Variants in MGAM observed in about 807,000 individuals in gnomAD.
MGAM encodes alpha-1,4-glucosidase.
Under a neutral mutation model 358.8 loss-of-function variants are expected in MGAM, and 253 were observed. The ratio of observed to expected loss-of-function variants is 0.71; its 90% CI spans 0.64 to 0.78. The LOEUF is 0.78. Ranked by LOEUF, MGAM falls within the 30% of genes least tolerant of loss-of-function variation. MGAM has a pLI of 0.00. For missense variants in MGAM, 3,080 were observed against 3,432.6 expected, an observed-to-expected ratio of 0.90 and a Z score of 2.57; for synonymous variants, 1,105 against 1,227.1, an observed-to-expected ratio of 0.90 and a Z score of 2.08.
chr7:142,010,778 G>C lies in MGAM; in HGVS notation c.327+2073G>C, dbSNP rs199517731. On this transcript the variant is annotated intron_variant, in intron 3 of 70. Coordinates refer to ENST00000475668, the MANE Select transcript of MGAM (RefSeq NM_001365693.1). ...TTCTATCATCTAAGACCCTACCTCT[G>C]TGCCTCTATAGGTTCACTTAGGCTA... Among the ~76,000 whole-genome samples, 13 of 152,104 alleles carry C rather than the reference G, an allele frequency of 8.5e-5. No individual in the cohort carries two copies. The East Asian group carries it at 2.5e-3, about 29-fold the overall frequency.
chr7:142,045,717 A>AT lies in MGAM; in HGVS notation c.2499-2068_2499-2067insT, dbSNP rs1479574891. 6.1e-5 allele frequency among the ~76,000 whole-genome samples: 5 copies of AT among 81,838 alleles called. 1 individual carries two copies. In the East Asian group the frequency reaches 1.2e-3, roughly 20 times the overall value. The allele number at this position is 81,838 out of a possible 152,430, so 53.7% of individuals were successfully genotyped here. A position where few individuals can be genotyped will look rare whatever the true frequency, so the allele number is the denominator to read the frequency against. On this transcript the variant is annotated intron_variant, in intron 21 of 70. Coordinates refer to ENST00000475668, the MANE Select transcript of MGAM (RefSeq NM_001365693.1). ...TACAATATATGAATATATAATATAT[A>AT]ATATATACATACAATGTATGAATAT...
At position 142,087,031 on chromosome 7, in the gene MGAM, C is replaced by T. The variant is rs545351381; in HGVS notation, c.6810+314C>T. Among the ~76,000 whole-genome samples the T allele has an allele frequency of 3.4e-4, 36 of 104,714 alleles. 2 individuals carry two copies. Among genetic ancestry groups the T allele is most frequent in the African/African-American group, 1.2e-3 (34 of 27,836 alleles). 68.7% of individuals were successfully genotyped at this position (104,714 alleles called of 152,430 possible). On this transcript the variant is annotated intron_variant, in intron 57 of 70. Coordinates refer to ENST00000475668, the MANE Select transcript of MGAM (RefSeq NM_001365693.1). ...TCAGATTACAAAGGCCCAAGAAATTCCCACTGGGCGATACCTCCTAGCAGT... is the reference window on the plus strand; with the variant it reads ...TCAGATTACAAAGGCCCAAGAAATTTCCACTGGGCGATACCTCCTAGCAGT...
At position 142,071,185 on chromosome 7, in the gene MGAM, C is replaced by G; in HGVS notation, c.5186+67C>G. 5 of 1,468,660 alleles carry G rather than the reference C, an allele frequency of 3.4e-6. 1 individual carries two copies. The highest frequency in any genetic ancestry group is 4.6e-6 in the Non-Finnish European group (5 of 1,075,892). The allele number at this position is 1,468,660 out of a possible 1,614,324, so 91.0% of individuals were successfully genotyped here. On this transcript the variant is annotated intron_variant, in intron 44 of 70. Transcript: ENST00000475668. ...CTCAACAATTTGTGATGAAGTCTAC[C>G]AAAATGTAAGCATCACTTTCAAACC...
intron 26 of MGAM, 90 bp downstream of exon 26, chr7:142,053,074 T>C (rs1811172212): frequency 7.3e-7 from 1 of 1,370,118 alleles, no homozygotes; most frequent in Non-Finnish European, 1.0e-6. Flanking sequence ...CTAAAATAAG[T>C]TAATCATGCT....
At chr7:142,037,238 T>C (rs1245127054) in intron 18 of MGAM, among the ~76,000 whole-genome samples, 1 of 152,226 alleles carries the variant, frequency 6.6e-6, no homozygotes, top group Non-Finnish European at 1.5e-5. Context: ...ACAGGTCTTT[T>C]CTTTGTTCTG....
chr7:142,001,174 C>T (rs528899558), intron 1 of MGAM, among the ~76,000 whole-genome samples: 1 of 152,316 alleles, frequency 6.6e-6, no homozygotes, highest in East Asian at 1.9e-4. Context: ...TGGTGACAGT[C>T]ATGGTAAGAA....
chr7:142,099,772 C>A (rs781671074), intron 67 of MGAM, 35 bp downstream of exon 67: 2 of 1,608,118 alleles, frequency 1.2e-6, no homozygotes, highest in Non-Finnish European at 1.7e-6. Flanking sequence ...CTTTACATGT[C>A]AGTTAGCTCA....
At chr7:142,059,370 A>T in intron 31 of MGAM, 102 bp from the exon 32 acceptor site, 1 of 1,509,786 alleles carries the variant, frequency 6.6e-7, no homozygotes. Context: ...TGCATCAACA[A>T]GAAGCTGTCT....
At chr7:142,091,856 C>T in intron 57 of MGAM, 57 bp from the exon 58 acceptor site, 1 of 1,371,314 alleles carries the variant, frequency 7.3e-7, no homozygotes, top group Non-Finnish European at 1.0e-6. Context: ...CAGTAAGTGC[C>T]TGTTTGCTGT....
intron 22 of MGAM, 139 bp from the exon 23 acceptor site, chr7:142,050,096 A>T: frequency 1.3e-6 from 1 of 746,438 alleles, no homozygotes; most frequent in Non-Finnish European, 2.3e-6. Flanking sequence ...CACATATACA[A>T]TTGAAAATTA....
In MGAM at chr7:142,091,812, C is replaced by T. The variant is rs531615345; in HGVS notation, c.6811-101C>T. On this transcript the variant is annotated intron_variant, in intron 57 of 70. Transcript: ENST00000475668. ...AGGCCCTGTTCAGGCCGTCTGTCAC[C>T]ATGCAGTTGAAGTATTTGTGCGAGT... 8.1e-6 allele frequency: 10 copies of T among 1,234,218 alleles called. 2 individuals carry two copies. In the Admixed American group the frequency reaches 1.7e-4, roughly 21 times the overall value. The allele number at this position is 1,234,218 out of a possible 1,614,324, so 76.5% of individuals were successfully genotyped here. A position where few individuals can be genotyped will look rare whatever the true frequency, so the allele number is the denominator to read the frequency against.
intron 15 of MGAM, 52 bp from the exon 16 acceptor site, chr7:142,034,618 C>A: frequency 6.5e-7 from 1 of 1,534,626 alleles, no homozygotes; most frequent in Non-Finnish European, 8.9e-7. Flanking sequence ...ATCCCCTTGG[C>A]TGAGACAAGC....
In MGAM at chr7:142,080,804, A is replaced by G; in HGVS notation, c.5861A>G (p.Asn1954Ser). The G allele has an allele frequency of 6.4e-7, 1 of 1,555,050 alleles. No individual in the cohort carries two copies. Among genetic ancestry groups the G allele is most frequent in the Non-Finnish European group, 8.8e-7 (1 of 1,131,778 alleles). ...CCTCTGGCCTAGATTTATGATCCCA[A>G]CAACAATCGGTATGAAGTTCCAGTC... The part of the protein sequence containing the change: ...EMLQFKIYDP[N>S]NNRYEVPVPL... Residue 1954 changes from asparagine to serine, a missense_variant, in exon 50 of 71, where the codon AAC (asparagine) becomes AGC (serine). This residue lies in a region of MGAM where 932 missense variants were observed against 1,198.2 expected (regional missense o/e 0.78). Coordinates refer to ENST00000475668, the MANE Select transcript of MGAM (RefSeq NM_001365693.1).
chr7:142,050,601 G>A (rs764634541), intron 23 of MGAM, 96 bp from the exon 24 acceptor site: 8 of 1,262,454 alleles, frequency 6.3e-6, no homozygotes, highest in Non-Finnish European at 7.9e-6. Context: ...TTATGGCAGT[G>A]GGGGGTATCC....
chr7:142,005,882 T>A lies in MGAM; in HGVS notation c.127+225T>A, dbSNP rs138485489. Among the ~76,000 whole-genome samples, 1,101 of 152,180 alleles carry A rather than the reference T, an allele frequency of 7.2e-3. 4 individuals carry two copies. The highest frequency in any genetic ancestry group is 0.015 in the South Asian group (72 of 4,826). On this transcript the variant is annotated intron_variant, in intron 2 of 70. Coordinates refer to ENST00000475668, the MANE Select transcript of MGAM (RefSeq NM_001365693.1). ...TTAATGCATTGCAGAATTCCATAAT[T>A]GACTTTTTAAAAATATTTGCCAAAT...
chr7:142,092,607 G>T lies in MGAM; in HGVS notation c.7032G>T (p.Pro2344=), dbSNP rs548974435. 9.8e-6 allele frequency: 15 copies of T among 1,533,784 alleles called. 3 individuals carry two copies. The East Asian group carries it at 2.8e-4, about 28-fold the overall frequency. Residue 2344 remains proline (P), a splice_region_variant and synonymous_variant, in exon 59 of 71, where the codon CCG becomes CCT. Coordinates refer to ENST00000475668, the MANE Select transcript of MGAM (RefSeq NM_001365693.1). The part of the protein sequence containing the change: ...DASLNHPPYM[P]YLESRDRGLS... ...CTCTGAACCACCCTCCCTACATGCC[G>T]TGTAAGAATCCTTGGCCTTCTTGAT... is the stretch of plus-strand genomic sequence containing the variant.
At position 142,085,043 on chromosome 7, in the gene MGAM, G is replaced by A. The variant is rs949846513; in HGVS notation, c.6507+399G>A. On this transcript the variant is annotated intron_variant, in intron 54 of 70. Transcript: ENST00000475668. ...AAACCATCAGACCATTGTATATGTG[G>A]ATACGACCTCAGTTCCCGCAGCCCT... Among the ~76,000 whole-genome samples the A allele has an allele frequency of 2.0e-5, 3 of 146,698 alleles. 1 individual carries two copies. Among genetic ancestry groups the A allele is most frequent in the African/African-American group, 7.3e-5 (3 of 41,240 alleles).
chr7:142,021,589 A>C lies in MGAM; in HGVS notation c.562A>C (p.Thr188Pro), dbSNP rs1554458824. 6.2e-7 allele frequency: 1 copy of C among 1,613,754 alleles called. No homozygotes were observed. The highest frequency in any genetic ancestry group is 8.5e-7 in the Non-Finnish European group (1 of 1,179,758). ...QTSNRFHFKL[T>P]DQTNNRFEVP... Reference sequence around the variant, plus strand: ...TTCTATTTCTATCTCTGCACAGTTGACTGACCAAACCAATAACAGGTTTGA... The same window carrying C: ...TTCTATTTCTATCTCTGCACAGTTGCCTGACCAAACCAATAACAGGTTTGA... Residue 188 changes from threonine to proline, a missense_variant, in exon 6 of 71, where the codon ACT becomes CCT. This residue lies in a region of MGAM where 1,816 missense variants were observed against 1,840.5 expected (regional missense o/e 0.99). Coordinates refer to ENST00000475668, the MANE Select transcript of MGAM (RefSeq NM_001365693.1).
Position 142,037,055 on chromosome 7 carries a change from A to C in MGAM, c.2231+78A>C, listed in dbSNP as rs1808058028. 2.8e-6 allele frequency: 4 copies of C among 1,413,526 alleles called. No individual in the cohort carries two copies. In the South Asian group the frequency reaches 5.1e-5, roughly 18 times the overall value. 87.6% of individuals were successfully genotyped at this position (1,413,526 alleles called of 1,614,324 possible). A position where few individuals can be genotyped will look rare whatever the true frequency, so the allele number is the denominator to read the frequency against. On this transcript the variant is annotated intron_variant, in intron 18 of 70. Coordinates refer to ENST00000475668, the MANE Select transcript of MGAM (RefSeq NM_001365693.1). ...ACTATATCATCAAATATCAGAGTGA[A>C]AACTGAAACAATTCAGGCAGTTATT...
Sources: allele counts gnomAD v4.1 joint callset (sites outside exome capture counted in the v4.1 genomes callset), GRCh38; gene constraint gnomAD v4.1.1; regional missense constraint gnomAD v4.1.1; transcripts MANE v1.5; gene names NCBI Gene and HGNC (gene_info 2026-07-23, HGNC 2026-07-21).